The following FER1L5 variants were observed in gnomAD, a reference collection of about 807,000 sequenced individuals.
FER1L5 encodes the protein fer-1-like protein 5.
Under a neutral mutation model 279.9 loss-of-function variants are expected in FER1L5, and 187 were observed. The observed-to-expected ratio is 0.67, with a 90% confidence interval of 0.59 to 0.75. The LOEUF is 0.75. Among genes scored for constraint, FER1L5 ranks in the 30% least tolerant of loss-of-function variants. The pLI is 0.00. For synonymous variants in FER1L5, 921 were observed against 989.7 expected (o/e 0.93, Z 1.30); for missense variants, 2,091 against 2,594.4 (o/e 0.81, Z 4.21).
chr2:96,658,861 G>C (rs533272935), intron 9 of FER1L5, among the ~76,000 whole-genome samples: 1 of 152,184 alleles, frequency 6.6e-6, no homozygotes, highest in African/African-American at 2.4e-5. Context: ...TCCTTGGATT[G>C]TTTGTTTTCT....
At chr2:96,674,184 C>T (rs559744065) in intron 19 of FER1L5, among the ~76,000 whole-genome samples, 31 of 152,316 alleles carry the variant, frequency 2.0e-4, no homozygotes, top group Admixed American at 1.0e-3. Context: ...TATCTCCCAC[C>T]TCCCCAGCCC....
Position 96,650,222 on chromosome 2 carries a change from G to C in FER1L5, c.437G>C (p.Ser146Thr), listed in dbSNP as rs754791525. The C allele has an allele frequency of 1.3e-6, 2 of 1,551,744 alleles. No homozygotes were observed. Among genetic ancestry groups the C allele is most frequent in the South Asian group, 2.4e-5 (2 of 84,064 alleles). ...HLGITAREAASQKLMVPGSTA... is the reference protein window; with the variant it reads ...HLGITAREAATQKLMVPGSTA... ...GGCATAACGGCAAGAGAGGCAGCCAGTCAGAAACTGATGGTCCCTGGCTCC... is the reference window on the plus strand; with the variant it reads ...GGCATAACGGCAAGAGAGGCAGCCACTCAGAAACTGATGGTCCCTGGCTCC... The change falls in exon 6 of 53, where the codon AGT becomes ACT. Residue 146 changes from serine (S) to threonine (T), a missense_variant. Transcript: ENST00000624922.
At chr2:96,685,717 AGGCCCTG>A (rs2076896653) in intron 21 of FER1L5, among the ~76,000 whole-genome samples, 1 of 152,104 alleles carries the variant, frequency 6.6e-6, no homozygotes, top group South Asian at 2.1e-4. Flanking sequence ...ACCTCCCTGC[AGGCCCTG>A]GGAGGAAGGG....
rs1439926781 is a variant in FER1L5 at position 96,698,911 on chromosome 2, GAC to G, written c.4518+85_4518+86del. 3 of 1,534,356 alleles carry G rather than the reference GAC, an allele frequency of 2.0e-6. No homozygotes were observed. Among genetic ancestry groups the G allele is most frequent in the African/African-American group, 1.4e-5 (1 of 72,612 alleles). On this transcript the variant is annotated intron_variant, in intron 41 of 52. Coordinates refer to ENST00000624922, the MANE Select transcript of FER1L5 (RefSeq NM_001293083.2). The surrounding 1 kb of genome is among the most constrained non-coding windows in gnomAD (Gnocchi z 5.5). Reference sequence around the variant, plus strand: ...TCTCTGGGAGCCCCCTCCGACTGCTGACACACAGAATGCCAACTCCCCATAGG... The same window carrying G: ...TCTCTGGGAGCCCCCTCCGACTGCTGACACAGAATGCCAACTCCCCATAGG...
At chr2:96,690,961 C>T (rs548252197) in intron 27 of FER1L5, among the ~76,000 whole-genome samples, 4 of 152,230 alleles carry the variant, frequency 2.6e-5, no homozygotes, top group South Asian at 2.1e-4. Flanking sequence ...TGGCCTTGTG[C>T]GAGTCACAGG....
At chr2:96,659,360 TCC>T (rs1374053495) in intron 9 of FER1L5, among the ~76,000 whole-genome samples, 15 of 68,812 alleles carry the variant, frequency 2.2e-4, no homozygotes, top group African/African-American at 6.8e-4. Flanking sequence ...CTTCCTTCCT[TCC>T]TTCTTTCTTT....
intron 6 of FER1L5, among the ~76,000 whole-genome samples, chr2:96,650,558 G>A (rs768113507): frequency 2.6e-5 from 4 of 152,194 alleles, no homozygotes; most frequent in East Asian, 3.8e-4. Context: ...GGGAAGCAGC[G>A]CAGATGAGAG....
rs921412154 is a variant in FER1L5 at position 96,659,357 on chromosome 2, C to T, written c.748-984C>T. 1.4e-3 allele frequency among the ~76,000 whole-genome samples: 95 copies of T among 68,626 alleles called. 12 individuals are homozygous for T. Among genetic ancestry groups the T allele is most frequent in the South Asian group, 0.013 (8 of 594 alleles). 45.0% of individuals were successfully genotyped at this position (68,626 alleles called of 152,430 possible). On this transcript the variant is annotated intron_variant, in intron 9 of 52. Transcript: ENST00000624922. ...TCCTTCCTTCCTTCCTTCCTTCCTT[C>T]CTTCCTTCTTTCTTTCTTTCTTTCT... is the stretch of plus-strand genomic sequence containing the variant.
chr2:96,700,269 T>C, intron 44 of FER1L5, 63 bp from the exon 45 acceptor site: 4 of 1,602,788 alleles, frequency 2.5e-6, no homozygotes, highest in East Asian at 2.2e-5. Flanking sequence ...GGTAAGAGCC[T>C]ACCTAGGAGA....
intron 6 of FER1L5, among the ~76,000 whole-genome samples, chr2:96,651,430 TCCTC>T: frequency 6.7e-6 from 1 of 149,418 alleles, no homozygotes; most frequent in Non-Finnish European, 1.5e-5. Context: ...TTTCCTTCCT[TCCTC>T]CCTCCCTTCT....
intron 32 of FER1L5, 40 bp from the exon 33 acceptor site, chr2:96,693,871 C>T (rs779482333): frequency 6.6e-7 from 1 of 1,511,470 alleles, no homozygotes; most frequent in Middle Eastern, 1.9e-4. Flanking sequence ...CTGGGCCCTG[C>T]CAGCATGGCC....
In FER1L5 at chr2:96,647,788, C is replaced by T. The variant is rs2075201555; in HGVS notation, c.241C>T (p.Leu81=). Residue 81 remains leucine, a synonymous_variant, in exon 4 of 53, where the codon CTG becomes TTG. Transcript: ENST00000624922. ...TCCTTGTCTCCCCAGATTCATTGGC[C>T]TGGCCACAGTACTGCTCAAGCCATT... The part of the protein sequence containing the change: ...GSQKKERFIG[L]ATVLLKPLLK... 2 of 1,551,508 alleles carry T rather than the reference C, an allele frequency of 1.3e-6. No individual in the cohort carries two copies. Among genetic ancestry groups the T allele is most frequent in the Non-Finnish European group, 1.7e-6 (2 of 1,146,826 alleles).
At chr2:96,663,553 A>C in intron 14 of FER1L5, 46 bp downstream of exon 14, 8 of 1,533,364 alleles carry the variant, frequency 5.2e-6, no homozygotes, top group South Asian at 1.2e-5. Context: ...ATCCCCTAAC[A>C]TAGAAGGGAA....
At chr2:96,672,562 G>C (rs1335855916) in intron 18 of FER1L5, among the ~76,000 whole-genome samples, 1 of 152,140 alleles carries the variant, frequency 6.6e-6, no homozygotes, top group East Asian at 1.9e-4. Context: ...CAATGGACAG[G>C]AGGCCCAAGA....
At position 96,647,133 on chromosome 2, in the gene FER1L5, A is replaced by C; in HGVS notation, c.208A>C (p.Met70Leu). 2 of 1,551,676 alleles carry C rather than the reference A, an allele frequency of 1.3e-6. No homozygotes were observed. Among genetic ancestry groups the C allele is most frequent in the Non-Finnish European group, 1.7e-6 (2 of 1,146,984 alleles). ...DSFLQVTLQD[M>L]GSQKKERFIG... ...CTTCCTGCAAGTCACCCTTCAGGAC[A>C]TGGGCTCACAAAAGAAAGAAAGGTG... The change falls in exon 3 of 53, where the codon ATG (methionine) becomes CTG (leucine). Residue 70 changes from methionine (M) to leucine (L), a missense_variant. Transcript: ENST00000624922.
intron 14 of FER1L5, 99 bp downstream of exon 14, chr2:96,663,606 A>G: frequency 7.5e-7 from 1 of 1,333,330 alleles, no homozygotes; most frequent in African/African-American, 1.5e-5. Flanking sequence ...GGTGGGGGCC[A>G]AAAAGCATGG....
rs1268146821 is a variant in FER1L5, at chr2:96,687,896, C to T, written c.2310C>T (p.Ser770=). 5 of 1,550,978 alleles carry T rather than the reference C, an allele frequency of 3.2e-6. No individual in the cohort carries two copies. The highest frequency in any genetic ancestry group is 4.4e-6 in the Non-Finnish European group (5 of 1,146,978). The change falls in exon 24 of 53, where the codon AGC becomes AGT. Residue 770 remains serine (S), a synonymous_variant. Transcript: ENST00000624922. ...VCMWLGNVTD[S]KDLQLLRQGD... ...TGTGGCTTGGCAATGTCACAGACAG[C>T]AAGGACCTGCAGCTGCTCCGCCAGG... is the stretch of plus-strand genomic sequence containing the variant.
rs1553449028 is a variant in FER1L5, at chr2:96,659,290, T to TTTCCTCCCTTCCTTCC, written c.748-1046_748-1045insCCCTTCCTTCCTTCCT. On this transcript the variant is annotated intron_variant, in intron 9 of 52. Coordinates refer to ENST00000624922, the MANE Select transcript of FER1L5 (RefSeq NM_001293083.2). ...TTTGATGAAGTCCAATTTATCAAGC[T>TTTCCTCCCTTCCTTCC]TTCCTTCCTTCCTTCCTTCCTTCCT... Among the ~76,000 whole-genome samples, 18 of 81,030 alleles carry TTTCCTCCCTTCCTTCC rather than the reference T, an allele frequency of 2.2e-4. 1 individual carries two copies. The highest frequency in any genetic ancestry group is 8.8e-4 in the African/African-American group (18 of 20,368). 53.2% of individuals were successfully genotyped at this position (81,030 alleles called of 152,430 possible).
intron 9 of FER1L5, 124 bp downstream of exon 9, chr2:96,654,620 C>G (rs943867431): frequency 7.7e-6 from 3 of 387,772 alleles, no homozygotes; most frequent in African/African-American, 2.1e-5. Flanking sequence ...CCAGACTTGG[C>G]CGGGTGCAGT....
Sources: gnomAD v4.1 joint callset for allele counts (sites outside exome capture counted in the v4.1 genomes callset) on GRCh38, gnomAD v4.1.1 for gene constraint, Gnocchi (gnomAD v3.1) non-coding constraint, MANE v1.5 for transcripts, NCBI Gene and HGNC (gene_info 2026-07-23, HGNC 2026-07-21) for gene names.